The following TMEM131 variants were observed in gnomAD, a reference collection of about 807,000 sequenced individuals.
The protein encoded by TMEM131 is 2610524E03Rik.
TMEM131 carries 66 observed loss-of-function variants against 211.6 expected under a neutral mutation model. The observed-to-expected ratio is 0.31, with a 90% confidence interval of 0.26 to 0.38. The LOEUF (loss-of-function observed/expected upper bound fraction) is 0.38. Ranked by LOEUF, TMEM131 falls within the 10% of genes least tolerant of loss-of-function variation. The probability of loss-of-function intolerance (pLI) is 1.00; values close to 1 mark genes in which losing one functional copy is unlikely to be tolerated. For synonymous variants in TMEM131, 844 were observed against 841.3 expected, an observed-to-expected ratio of 1.00 and a Z score of -0.06; for missense variants, 2,036 against 2,299.3, an observed-to-expected ratio of 0.89 and a Z score of 2.34.
intron 4 of TMEM131, among the ~76,000 whole-genome samples, chr2:97,886,165 G>T (rs1390861630): frequency 6.6e-6 from 1 of 152,038 alleles, no homozygotes; most frequent in Non-Finnish European, 1.5e-5. Context: ...TTCAAATCAT[G>T]AATTGTTTTC....
At chr2:97,772,155 G>A in intron 33 of TMEM131, 142 bp downstream of exon 33, 2 of 912,250 alleles carry the variant, frequency 2.2e-6, no homozygotes, top group Non-Finnish European at 3.4e-6. Flanking sequence ...ATCCCAAGAG[G>A]AATGTGACGT....
At chr2:97,816,501 G>A (rs1681833799) in intron 12 of TMEM131, among the ~76,000 whole-genome samples, 1 of 152,160 alleles carries the variant, frequency 6.6e-6, no homozygotes, top group South Asian at 2.1e-4. Flanking sequence ...TTCCATTTAT[G>A]TGAAGAATTC....
intron 36 of TMEM131, chr2:97,761,578 C>A: frequency 6.3e-6 from 1 of 159,908 alleles, no homozygotes; most frequent in Non-Finnish European, 1.4e-5. Context: ...CTCCCGGGTG[C>A]ACACATCCCC....
intron 6 of TMEM131, among the ~76,000 whole-genome samples, chr2:97,843,093 TGTAAA>T (rs10569849): frequency 0.27 from 40,490 of 148,252 alleles, 5,952 homozygotes; most frequent in Middle Eastern, 0.37. Context: ...GCACAGGAAC[TGTAAA>T]GTAATGTGTC....
chr2:97,797,778 T>G (rs754963872), intron 25 of TMEM131, among the ~76,000 whole-genome samples: 2 of 152,282 alleles, frequency 1.3e-5, no homozygotes, highest in Non-Finnish European at 2.9e-5. Flanking sequence ...GCACAAGGCA[T>G]TTGTTTTTGG....
chr2:97,802,326 A>G, intron 24 of TMEM131, 102 bp downstream of exon 24: 1 of 906,746 alleles, frequency 1.1e-6, no homozygotes, highest in Non-Finnish European at 1.6e-6. Flanking sequence ...CTTCTCGTCA[A>G]ATCTATTAAT....
intron 1 of TMEM131, among the ~76,000 whole-genome samples, chr2:97,986,480 T>C (rs1004745814): frequency 6.6e-6 from 1 of 152,184 alleles, no homozygotes; most frequent in Admixed American, 6.5e-5. Context: ...TACAATCAAT[T>C]TAAACAAGAA....
chr2:97,760,296 T>G, intron 38 of TMEM131: 1 of 440,908 alleles, frequency 2.3e-6, no homozygotes, highest in South Asian at 2.4e-5. Flanking sequence ...TCAGATCACA[T>G]CTTACCACAG....
rs201266938 is a variant in TMEM131, at chr2:97,762,054, C to T, written c.4870G>A (p.Val1624Ile). 929 of 1,576,992 alleles carry T rather than the reference C, an allele frequency of 5.9e-4. No homozygotes were observed. The highest frequency in any genetic ancestry group is 7.5e-4 in the Non-Finnish European group (877 of 1,166,828). The stretch of plus-strand genomic sequence containing the variant: ...GCCTACCTGCTGGAGCTGCTGTTGA[C>T]GATGCTGCTGTAGCTGCCCCGGGCC... ...FVARGSYSSI[V>I]NSSSSSDPKI... The change falls in exon 36 of 41, where the codon GTC (valine) becomes ATC (isoleucine). Residue 1624 changes from valine (V) to isoleucine (I), a missense_variant. Transcript: ENST00000186436.
At chr2:97,819,813 A>G (rs1338404322) in intron 11 of TMEM131, among the ~76,000 whole-genome samples, 2 of 152,208 alleles carry the variant, frequency 1.3e-5, no homozygotes, top group Non-Finnish European at 2.9e-5. Context: ...GCACAGTCAG[A>G]TCCAGCAAGT....
chr2:97,806,544 C>T (rs989340957), intron 19 of TMEM131, among the ~76,000 whole-genome samples: 1 of 152,048 alleles, frequency 6.6e-6, no homozygotes, highest in Non-Finnish European at 1.5e-5. Context: ...CCATCTCAAA[C>T]AAACAAACAA....
intron 3 of TMEM131, among the ~76,000 whole-genome samples, chr2:97,894,837 C>G (rs1174511126): frequency 6.6e-6 from 1 of 152,154 alleles, no homozygotes; most frequent in Non-Finnish European, 1.5e-5. Context: ...TTGACTTCCT[C>G]CTTTCCTATT....
intron 5 of TMEM131, among the ~76,000 whole-genome samples, 160 bp from the exon 6 acceptor site, chr2:97,844,421 T>C (rs1043271959): frequency 5.9e-5 from 9 of 152,248 alleles, no homozygotes; most frequent in Admixed American, 3.3e-4. Flanking sequence ...ATGTCTTCCA[T>C]ATTGAATGTC....
intron 4 of TMEM131, among the ~76,000 whole-genome samples, chr2:97,883,774 A>G (rs1314802508): frequency 1.3e-5 from 2 of 152,202 alleles, no homozygotes; most frequent in Admixed American, 1.3e-4. Context: ...TTATTATAAA[A>G]TAACAGAAAA....
At chr2:97,848,374 T>C (rs1683543365) in intron 5 of TMEM131, among the ~76,000 whole-genome samples, 1 of 152,170 alleles carries the variant, frequency 6.6e-6, no homozygotes, top group African/African-American at 2.4e-5. Context: ...ATCTGTGGGA[T>C]TGGCTCCAGG....
At chr2:97,824,605 G>A (rs1682286919) in intron 11 of TMEM131, among the ~76,000 whole-genome samples, 1 of 152,110 alleles carries the variant, frequency 6.6e-6, no homozygotes, top group East Asian at 1.9e-4. Context: ...CATGAATATG[G>A]GGAACAAGTT....
intron 4 of TMEM131, among the ~76,000 whole-genome samples, chr2:97,870,246 T>C (rs558389869): frequency 6.6e-6 from 1 of 152,184 alleles, no homozygotes; most frequent in Admixed American, 6.5e-5. Flanking sequence ...GATTGAATAA[T>C]TGGGAGAATG....
chr2:97,789,114 T>C (rs753010865), intron 31 of TMEM131, among the ~76,000 whole-genome samples: 8 of 152,224 alleles, frequency 5.3e-5, no homozygotes, highest in Non-Finnish European at 7.3e-5. Context: ...TGATGGCGCT[T>C]CACACAAACT....
At chr2:97,799,550 T>G (rs1373610384) in intron 25 of TMEM131, among the ~76,000 whole-genome samples, 1 of 152,244 alleles carries the variant, frequency 6.6e-6, no homozygotes, top group East Asian at 1.9e-4. Flanking sequence ...TTGTTTCTAA[T>G]AAAATTCAAG....
Sources: allele counts gnomAD v4.1 joint callset (sites outside exome capture counted in the v4.1 genomes callset), GRCh38; gene constraint gnomAD v4.1.1; transcripts MANE v1.5; gene names NCBI Gene and HGNC (gene_info 2026-07-23, HGNC 2026-07-21).